The following PGM5 variants were observed in gnomAD, a reference collection of about 807,000 sequenced individuals.
PGM5 encodes the protein phosphoglucomutase 5, also known as phosphoglucomutase-like protein 5.
A neutral mutation model predicts 59.2 loss-of-function variants in PGM5; 23 were observed. That is an observed-to-expected ratio of 0.39 (90% CI 0.28 to 0.55). The LOEUF (loss-of-function observed/expected upper bound fraction) is 0.55, where lower values mean the gene tolerates loss of function less well. PGM5 is among the 20% of genes least tolerant of loss of function. The probability of loss-of-function intolerance (pLI) is 0.66; values close to 1 mark genes in which losing one functional copy is unlikely to be tolerated. For missense variants in PGM5, 574 were observed against 748.3 expected, an observed-to-expected ratio of 0.77 and a Z score of 2.72; for synonymous variants, 214 against 286.0, an observed-to-expected ratio of 0.75 and a Z score of 2.54.
intron 10 of PGM5, among the ~76,000 whole-genome samples, chr9:68,514,147 G>C (rs1312328313): frequency 6.6e-6 from 1 of 152,164 alleles, no homozygotes; most frequent in African/African-American, 2.4e-5. Context: ...AGCTCCTCAG[G>C]TGATTCATGT....
At chr9:68,511,730 T>C (rs1252513146) in intron 10 of PGM5, among the ~76,000 whole-genome samples, 2 of 151,872 alleles carry the variant, frequency 1.3e-5, no homozygotes, top group African/African-American at 2.4e-5. Flanking sequence ...TTTGTATTTT[T>C]AGTAGAGAAG....
At chr9:68,489,420 C>T (rs1824350369) in intron 9 of PGM5, among the ~76,000 whole-genome samples, 1 of 147,130 alleles carries the variant, frequency 6.8e-6, no homozygotes, top group African/African-American at 2.6e-5. Context: ...TCATCCTAAT[C>T]CTATGTTGTT....
intron 3 of PGM5, among the ~76,000 whole-genome samples, chr9:68,386,145 G>A (rs1397705998): frequency 6.6e-6 from 1 of 151,726 alleles, no homozygotes; most frequent in African/African-American, 2.4e-5. Flanking sequence ...TGAAGAGCCA[G>A]AATGAAATTG....
intron 10 of PGM5, among the ~76,000 whole-genome samples, chr9:68,522,852 A>T (rs1170253402): frequency 4.0e-5 from 6 of 150,972 alleles, no homozygotes; most frequent in Non-Finnish European, 7.4e-5. Context: ...CTCTCTACCA[A>T]CTCCTTTATT....
At chr9:68,423,891 T>C (rs2132050120) in intron 6 of PGM5, among the ~76,000 whole-genome samples, 1 of 152,268 alleles carries the variant, frequency 6.6e-6, no homozygotes, top group African/African-American at 2.4e-5. Flanking sequence ...CAGAACAGTA[T>C]TAGAGAAACA....
chr9:68,519,661 T>A (rs4745069), intron 10 of PGM5, among the ~76,000 whole-genome samples: 10,713 of 148,406 alleles, frequency 0.072, 690 homozygotes, highest in East Asian at 0.33. Context: ...TAAAAAAAAA[T>A]TAAAAAAAAA....
intron 6 of PGM5, among the ~76,000 whole-genome samples, chr9:68,403,001 A>G (rs1425349354): frequency 6.6e-6 from 1 of 152,316 alleles, no homozygotes; most frequent in Non-Finnish European, 1.5e-5. Flanking sequence ...TCTAAGATAC[A>G]TGTGCAGGGT....
At chr9:68,403,928 G>A (rs1822739553) in intron 6 of PGM5, among the ~76,000 whole-genome samples, 1 of 152,146 alleles carries the variant, frequency 6.6e-6, no homozygotes, top group Non-Finnish European at 1.5e-5. Flanking sequence ...AAGCAGTCCT[G>A]GCTTTAACTT....
At chr9:68,515,434 GCT>G (rs2132115641) in intron 10 of PGM5, among the ~76,000 whole-genome samples, 1 of 152,314 alleles carries the variant, frequency 6.6e-6, no homozygotes, top group Admixed American at 6.5e-5. Context: ...CTGCCACTCA[GCT>G]TTGCTCAATG....
chr9:68,519,769 T>C (rs1373402694), intron 10 of PGM5, among the ~76,000 whole-genome samples: 1 of 151,604 alleles, frequency 6.6e-6, no homozygotes, highest in Non-Finnish European at 1.5e-5. Context: ...CTAACTGCTG[T>C]AGGAAAAAGA....
chr9:68,528,058 C>T (rs1386669568), intron 10 of PGM5, among the ~76,000 whole-genome samples: 8 of 152,136 alleles, frequency 5.3e-5, no homozygotes. Context: ...AATGTGTGCA[C>T]TCCCTTTATG....
At chr9:68,427,651 A>C (rs1823260997) in intron 6 of PGM5, among the ~76,000 whole-genome samples, 1 of 152,204 alleles carries the variant, frequency 6.6e-6, no homozygotes, top group African/African-American at 2.4e-5. Flanking sequence ...ATTGCTGGAA[A>C]ATTTGATAAA....
intron 1 of PGM5, among the ~76,000 whole-genome samples, chr9:68,363,776 C>T (rs71225354): frequency 1.1e-3 from 167 of 152,176 alleles, no homozygotes; most frequent in Non-Finnish European, 2.0e-3. Context: ...AGGGCAGATG[C>T]GTTAGCCTCT....
intron 10 of PGM5, among the ~76,000 whole-genome samples, chr9:68,511,545 CTTTT>C (rs3064033): frequency 8.0e-5 from 5 of 62,736 alleles, no homozygotes; most frequent in African/African-American, 1.7e-4. Context: ...TTGTTTTTGC[CTTTT>C]TTTTTTTTTT....
chr9:68,468,841 A>G (rs1275906198), intron 7 of PGM5, among the ~76,000 whole-genome samples: 1 of 152,182 alleles, frequency 6.6e-6, no homozygotes, highest in Non-Finnish European at 1.5e-5. Context: ...GCCTTTTACC[A>G]TTGCTAGGAT....
At chr9:68,458,161 T>A (rs11142500) in intron 6 of PGM5, among the ~76,000 whole-genome samples, 8,096 of 152,266 alleles carry the variant, frequency 0.053, 558 homozygotes, top group African/African-American at 0.16. Flanking sequence ...GAACCTGTGG[T>A]AGTTTCAATT....
intron 10 of PGM5, among the ~76,000 whole-genome samples, chr9:68,500,672 C>A (rs1366689209): frequency 6.6e-6 from 1 of 152,176 alleles, no homozygotes; most frequent in Non-Finnish European, 1.5e-5. Context: ...AAATAAAACA[C>A]TATTCTACAT....
chr9:68,457,362 G>A (rs1823794615), intron 6 of PGM5, among the ~76,000 whole-genome samples: 1 of 152,132 alleles, frequency 6.6e-6, no homozygotes, highest in Non-Finnish European at 1.5e-5. Flanking sequence ...ACCATAGCAA[G>A]GAACAGGTAT....
chr9:68,466,079 T>A, intron 7 of PGM5: 1 of 1,164,946 alleles, frequency 8.6e-7, no homozygotes, highest in Non-Finnish European at 1.1e-6. Context: ...ATTACACATG[T>A]GTTAGATAAT....
Sources: allele counts gnomAD v4.1 joint callset (sites outside exome capture counted in the v4.1 genomes callset), GRCh38; gene constraint gnomAD v4.1.1; transcripts MANE v1.5; gene names NCBI Gene and HGNC (gene_info 2026-07-23, HGNC 2026-07-21).